The following SPOCK1 variants were observed in gnomAD, a reference collection of about 807,000 sequenced individuals.
SPOCK1 encodes the protein testican-1.
Under a neutral mutation model 55.3 loss-of-function variants are expected in SPOCK1, and 23 were observed. The ratio of observed to expected loss-of-function variants is 0.42; its 90% CI spans 0.30 to 0.59. SPOCK1 has a LOEUF of 0.59. Ranked by LOEUF, SPOCK1 falls within the 20% of genes least tolerant of loss-of-function variation. SPOCK1 has a pLI of 0.22. For synonymous variants in SPOCK1, 226 were observed against 221.0 expected (o/e 1.02, Z -0.20); for missense variants, 499 against 552.5 (o/e 0.90, Z 0.97).
chr5:137,066,919 T>C (rs1281327832), intron 6 of SPOCK1, among the ~76,000 whole-genome samples: 2 of 150,290 alleles, frequency 1.3e-5, no homozygotes, highest in African/African-American at 4.9e-5. Flanking sequence ...ACCCCATTCA[T>C]TCCACTCCAT....
chr5:137,416,263 C>G (rs1191867993), intron 2 of SPOCK1, among the ~76,000 whole-genome samples: 1 of 151,182 alleles, frequency 6.6e-6, no homozygotes, highest in South Asian at 2.1e-4. Flanking sequence ...CAAAACCTTA[C>G]AGAATTCATC....
intron 3 of SPOCK1, among the ~76,000 whole-genome samples, chr5:137,250,580 C>T (rs1020895101): frequency 6.6e-6 from 1 of 152,172 alleles, no homozygotes; most frequent in African/African-American, 2.4e-5. Context: ...TCAGCTACAT[C>T]CTCCCCACTG....
At chr5:137,231,326 C>T (rs1299522910) in intron 3 of SPOCK1, among the ~76,000 whole-genome samples, 13 of 152,200 alleles carry the variant, frequency 8.5e-5, no homozygotes, top group South Asian at 4.1e-4. Context: ...GGATTATAGG[C>T]GTGAGCCACC....
At chr5:137,435,883 G>A (rs1025858546) in intron 2 of SPOCK1, among the ~76,000 whole-genome samples, 7 of 151,886 alleles carry the variant, frequency 4.6e-5, no homozygotes, top group South Asian at 4.2e-4. Flanking sequence ...AGCTGGGCGC[G>A]GTGGCTCACA....
At chr5:137,300,630 T>C (rs577488532) in intron 2 of SPOCK1, among the ~76,000 whole-genome samples, 40 of 152,342 alleles carry the variant, frequency 2.6e-4, no homozygotes, top group African/African-American at 8.7e-4. Flanking sequence ...GCTGGAAACC[T>C]TGGAGTCTCA....
intron 2 of SPOCK1, among the ~76,000 whole-genome samples, chr5:137,459,128 G>A (rs1290392813): frequency 2.6e-5 from 4 of 152,196 alleles, no homozygotes; most frequent in Non-Finnish European, 4.4e-5. Flanking sequence ...ACCAGACAGG[G>A]CCTGCTCTTG....
chr5:137,447,601 T>A (rs1235314235), intron 2 of SPOCK1, among the ~76,000 whole-genome samples: 1 of 151,590 alleles, frequency 6.6e-6, no homozygotes, highest in African/African-American at 2.4e-5. Context: ...CAACTTGAAA[T>A]CATTCCCCCC....
At chr5:137,483,105 G>T (rs1184245281) in intron 2 of SPOCK1, among the ~76,000 whole-genome samples, 1 of 152,220 alleles carries the variant, frequency 6.6e-6, no homozygotes, top group African/African-American at 2.4e-5. Context: ...GGCCGAGGCG[G>T]GTGGATCACC....
At chr5:137,254,540 G>A (rs1756597896) in intron 3 of SPOCK1, among the ~76,000 whole-genome samples, 1 of 152,150 alleles carries the variant, frequency 6.6e-6, no homozygotes, top group Non-Finnish European at 1.5e-5. Flanking sequence ...ATAAGATGTG[G>A]ATTTTATTGA....
At chr5:137,359,176 A>T (rs1290175764) in intron 2 of SPOCK1, among the ~76,000 whole-genome samples, 1 of 152,198 alleles carries the variant, frequency 6.6e-6, no homozygotes, top group African/African-American at 2.4e-5. Context: ...CTTAAGAATA[A>T]AACTTTGGAT....
chr5:137,108,232 A>T (rs929647437), intron 5 of SPOCK1, among the ~76,000 whole-genome samples: 6 of 152,238 alleles, frequency 3.9e-5, no homozygotes. Context: ...AAAACACTCC[A>T]GTAGTAAATC....
intron 2 of SPOCK1, among the ~76,000 whole-genome samples, chr5:137,336,058 G>T (rs181207636): frequency 1.3e-5 from 2 of 152,134 alleles, no homozygotes; most frequent in African/African-American, 4.8e-5. Context: ...GTACTTTACA[G>T]TACTTACAGA....
intron 2 of SPOCK1, among the ~76,000 whole-genome samples, chr5:137,375,826 A>T (rs1045495005): frequency 6.6e-6 from 1 of 152,218 alleles, no homozygotes; most frequent in African/African-American, 2.4e-5. Context: ...TGCACAGGCT[A>T]TGCGTGACCT....
chr5:137,498,452 C>G lies in SPOCK1; in HGVS notation c.107G>C (p.Gly36Ala). Residue 36 changes from glycine to alanine, a missense_variant, in exon 2 of 11, where the codon GGC becomes GCC. Physicochemically the swap from Gly to Ala is moderately conservative, Grantham distance 60. Transcript: ENST00000394945. ...ALAGGAGPNH[G>A]NFLDNDQWLS... ...CCACTGGTCATTGTCTAGGAAATTG[C>G]CGTGGTTGGGGCCCGCGCCTCCGGC... The G allele has an allele frequency of 6.2e-7, 1 of 1,610,644 alleles. No homozygotes were observed. The highest frequency in any genetic ancestry group is 8.5e-7 in the Non-Finnish European group (1 of 1,179,068).
intron 5 of SPOCK1, among the ~76,000 whole-genome samples, chr5:137,068,564 A>G (rs920350750): frequency 6.6e-6 from 1 of 152,244 alleles, no homozygotes; most frequent in Admixed American, 6.5e-5. Flanking sequence ...TAAAGTCTCA[A>G]TGAATTCTCA....
At chr5:137,250,008 G>A (rs988070508) in intron 3 of SPOCK1, among the ~76,000 whole-genome samples, 3 of 152,154 alleles carry the variant, frequency 2.0e-5, no homozygotes, top group Non-Finnish European at 4.4e-5. Flanking sequence ...ATAATCTATG[G>A]CCCACAGCCA....
intron 3 of SPOCK1, among the ~76,000 whole-genome samples, chr5:137,183,202 A>C (rs1755003398): frequency 6.6e-6 from 1 of 152,202 alleles, no homozygotes; most frequent in African/African-American, 2.4e-5. Context: ...TAAAAAGACT[A>C]AAAAGTACTC....
chr5:137,013,921 A>G (rs896516646), intron 6 of SPOCK1, among the ~76,000 whole-genome samples: 4 of 152,118 alleles, frequency 2.6e-5, no homozygotes, highest in African/African-American at 9.7e-5. Context: ...TAGTGGAGAC[A>G]GTGGGGGCGC....
At chr5:137,452,152 A>G (rs1470916614) in intron 2 of SPOCK1, among the ~76,000 whole-genome samples, 1 of 152,230 alleles carries the variant, frequency 6.6e-6, no homozygotes, top group Non-Finnish European at 1.5e-5. Flanking sequence ...ACTTTAGACC[A>G]CTAACCATGT....
Sources: gnomAD v4.1 joint callset for allele counts (sites outside exome capture counted in the v4.1 genomes callset) on GRCh38, gnomAD v4.1.1 for gene constraint, MANE v1.5 for transcripts, NCBI Gene and HGNC (gene_info 2026-07-23, HGNC 2026-07-21) for gene names.